Variants in EYA3 observed in about 807,000 individuals in gnomAD.
EYA3 encodes EYA transcriptional coactivator and phosphatase 3.
EYA3 carries 39 observed loss-of-function variants against 80.0 expected under a neutral mutation model. The observed-to-expected ratio is 0.49, with a 90% confidence interval of 0.38 to 0.64. The LOEUF is 0.64. Ranked by LOEUF, EYA3 falls within the 30% of genes least tolerant of loss-of-function variation. The pLI is 0.00. For missense variants in EYA3, 523 were observed against 676.1 expected (o/e 0.77, Z 2.51); for synonymous variants, 206 against 232.8 (o/e 0.88, Z 1.05).
At position 27,970,389 on chromosome 1, in the gene EYA3, C is replaced by T. The variant is rs1260736317; in HGVS notation, c.*4077G>A. 2 of 152,158 alleles carry T rather than the reference C, an allele frequency of 1.3e-5. No homozygotes were observed. The highest frequency in any genetic ancestry group is 2.9e-5 in the Non-Finnish European group (2 of 68,032). The allele number at this position is 152,158 out of a possible 1,614,324, so 9.4% of individuals were successfully genotyped here. A position where few individuals can be genotyped will look rare whatever the true frequency, so the allele number is the denominator to read the frequency against. ...TTTTTTTCAAGTTTATAAGATAGTT[C>T]CCATTACATATAACATTACGGTCAC... On this transcript the variant is annotated 3_prime_UTR_variant, in exon 18 of 18. Coordinates refer to ENST00000373871, the MANE Select transcript of EYA3 (RefSeq NM_001990.4).
In EYA3 at chr1:28,058,110, A is replaced by G. The variant is rs1412535901; in HGVS notation, c.-68-16T>C. ...TTTTCACAATCTGTTTTTAAAAAGG[A>G]GGATTCAAAGCTTTATACACTCTTA... is the stretch of plus-strand genomic sequence containing the variant. On this transcript the variant is annotated splice_polypyrimidine_tract_variant and intron_variant, in intron 1 of 17. Transcript: ENST00000373871. The G allele has an allele frequency of 1.7e-6, 2 of 1,156,210 alleles. No homozygotes were observed. Among genetic ancestry groups the G allele is most frequent in the African/African-American group, 3.1e-5 (2 of 65,528 alleles). The allele number at this position is 1,156,210 out of a possible 1,614,324, so 71.6% of individuals were successfully genotyped here. A position where few individuals can be genotyped will look rare whatever the true frequency, so the allele number is the denominator to read the frequency against.
chr1:28,013,044 C>T lies in EYA3; in HGVS notation c.769+67G>A. ...TAAGACAGAACAAAATCATCCTTAC[C>T]ATTGCCTAAAAACAACTGTTGGATG... is the stretch of plus-strand genomic sequence containing the variant. On this transcript the variant is annotated intron_variant, in intron 9 of 17. Transcript: ENST00000373871. The surrounding 1 kb of genome is among the most constrained non-coding windows in gnomAD (Gnocchi z 4.0). 6.7e-7 allele frequency: 1 copy of T among 1,494,732 alleles called. No homozygotes were observed. Among genetic ancestry groups the T allele is most frequent in the Non-Finnish European group, 9.1e-7 (1 of 1,097,738 alleles). 92.6% of individuals were successfully genotyped at this position (1,494,732 alleles called of 1,614,324 possible).
At chr1:27,978,179 T>C (rs1639066801) in intron 17 of EYA3, among the ~76,000 whole-genome samples, 195 bp downstream of exon 17, 2 of 151,914 alleles carry the variant, frequency 1.3e-5, no homozygotes, top group Admixed American at 1.3e-4. Context: ...GAGGAAGGGA[T>C]GGATCTAAAA....
intron 16 of EYA3, among the ~76,000 whole-genome samples, chr1:27,986,830 G>C (rs1322362654): frequency 3.9e-5 from 6 of 152,204 alleles, no homozygotes; most frequent in South Asian, 4.1e-4. Context: ...AGCCTCCTGA[G>C]TAGCTAGGAC....
intron 1 of EYA3, among the ~76,000 whole-genome samples, chr1:28,074,530 A>G (rs943634672): frequency 6.9e-4 from 100 of 144,150 alleles, no homozygotes; most frequent in Admixed American, 2.0e-3. Flanking sequence ...TTTTTTTTTT[A>G]AAGAAATGAG....
chr1:28,000,945 G>T (rs1043600911), intron 11 of EYA3, among the ~76,000 whole-genome samples: 1 of 152,060 alleles, frequency 6.6e-6, no homozygotes, highest in Non-Finnish European at 1.5e-5. Flanking sequence ...CACACCTGCA[G>T]TCCCAGGTAC....
chr1:28,021,617 T>C (rs1157995246), intron 7 of EYA3, among the ~76,000 whole-genome samples: 1 of 151,922 alleles, frequency 6.6e-6, no homozygotes, highest in African/African-American at 2.4e-5. Context: ...TTCTTTTTTT[T>C]TTTTTAGATG....
At chr1:28,055,462 CTTTTT>C (rs531586344) in intron 2 of EYA3, among the ~76,000 whole-genome samples, 2 of 106,940 alleles carry the variant, frequency 1.9e-5, no homozygotes, top group Admixed American at 1.0e-4. Flanking sequence ...TAAAGAAAAT[CTTTTT>C]TTTTTTTTTT....
chr1:27,977,855 G>GAAAAAAA (rs1334469197), intron 17 of EYA3, among the ~76,000 whole-genome samples: 1 of 65,626 alleles, frequency 1.5e-5, no homozygotes. Flanking sequence ...CTCAAAAACA[G>GAAAAAAA]AAAAAAAAAG....
rs533713585 is a variant in EYA3, at chr1:27,977,538, A to G, written c.1641+836T>C. 3.6e-6 allele frequency: 3 copies of G among 832,350 alleles called. No individual in the cohort carries two copies. In the Admixed American group the frequency reaches 8.7e-5, roughly 24 times the overall value. 51.6% of individuals were successfully genotyped at this position (832,350 alleles called of 1,614,324 possible). A position where few individuals can be genotyped will look rare whatever the true frequency, so the allele number is the denominator to read the frequency against. On this transcript the variant is annotated intron_variant, in intron 17 of 17. Transcript: ENST00000373871. The stretch of plus-strand genomic sequence containing the variant: ...TTCTATAGCCAAGACTCTTTCATCT[A>G]TTGTTTCCTATATTAAGAAGGGGTG...
At chr1:28,062,873 G>A (rs1346130641) in intron 1 of EYA3, among the ~76,000 whole-genome samples, 3 of 151,900 alleles carry the variant, frequency 2.0e-5, no homozygotes, top group African/African-American at 7.3e-5. Context: ...GTGGTGGCAC[G>A]CGCCTGTAAT....
rs1214457692 is a variant in EYA3 at position 27,972,783 on chromosome 1, G to A, written c.*1683C>T. On this transcript the variant is annotated 3_prime_UTR_variant, in exon 18 of 18. Coordinates refer to ENST00000373871, the MANE Select transcript of EYA3 (RefSeq NM_001990.4). ...GATGGGGCATCCAACAATCATGGCT[G>A]GGCTGGAAGGCTGTGACTAGTGCCT... The A allele has an allele frequency of 6.6e-6, 1 of 152,262 alleles. No individual in the cohort carries two copies. The highest frequency in any genetic ancestry group is 1.5e-5 in the Non-Finnish European group (1 of 68,070). 9.4% of individuals were successfully genotyped at this position (152,262 alleles called of 1,614,324 possible). A position where few individuals can be genotyped will look rare whatever the true frequency, so the allele number is the denominator to read the frequency against.
At chr1:28,007,563 G>A (rs1440551512) in intron 10 of EYA3, among the ~76,000 whole-genome samples, 1 of 151,830 alleles carries the variant, frequency 6.6e-6, no homozygotes, top group Non-Finnish European at 1.5e-5. Flanking sequence ...TTGAACTCCT[G>A]ACCTTGTGAT....
At chr1:28,039,344 T>TG (rs1643643609) in intron 4 of EYA3, among the ~76,000 whole-genome samples, 1 of 152,210 alleles carries the variant, frequency 6.6e-6, no homozygotes. Context: ...AAAACAGATT[T>TG]GGGGGAGGCA....
chr1:28,043,879 C>T (rs1346292073), intron 3 of EYA3, among the ~76,000 whole-genome samples: 1 of 152,064 alleles, frequency 6.6e-6, no homozygotes, highest in African/African-American at 2.4e-5. Context: ...AAAAATTATA[C>T]GTTTGTTTCC....
chr1:28,020,972 G>A (rs979268932), intron 7 of EYA3, among the ~76,000 whole-genome samples: 1 of 151,994 alleles, frequency 6.6e-6, no homozygotes, highest in Non-Finnish European at 1.5e-5. Context: ...CTAGATGTCC[G>A]CTTAAAACAG....
At chr1:28,026,590 C>A (rs1021792419) in intron 7 of EYA3, among the ~76,000 whole-genome samples, 1 of 152,164 alleles carries the variant, frequency 6.6e-6, no homozygotes. Flanking sequence ...TGCATTCCAG[C>A]TGGGCAACAG....
At position 27,997,370 on chromosome 1, in the gene EYA3, G is replaced by A. The variant is rs1156529894; in HGVS notation, c.1092C>T (p.Asp364=). Residue 364 remains aspartate, a synonymous_variant, in exon 13 of 18, where the codon GAC becomes GAT. Coordinates refer to ENST00000373871, the MANE Select transcript of EYA3 (RefSeq NM_001990.4). The part of the protein sequence containing the change: ...HLFFNDLEEC[D]QVHVEDVASD... ...AAGCCACATCTTCCACATGTACCTG[G>A]TCACACTCCTGTTAAAAGACAAAAC... The A allele has an allele frequency of 1.9e-6, 3 of 1,613,968 alleles. No individual in the cohort carries two copies. Among genetic ancestry groups the A allele is most frequent in the Non-Finnish European group, 2.5e-6 (3 of 1,179,908 alleles).
chr1:28,082,733 T>G (rs1645475160), intron 1 of EYA3, among the ~76,000 whole-genome samples: 1 of 152,160 alleles, frequency 6.6e-6, no homozygotes, highest in African/African-American at 2.4e-5. Context: ...ATTTTAAGAC[T>G]ATTACATAAA....
Sources: allele counts gnomAD v4.1 joint callset (sites outside exome capture counted in the v4.1 genomes callset), GRCh38; gene constraint gnomAD v4.1.1; non-coding constraint Gnocchi (gnomAD v3.1); transcripts MANE v1.5; gene names NCBI Gene and HGNC (gene_info 2026-07-23, HGNC 2026-07-21).